The following PDE7A variants were observed in gnomAD, a reference collection of about 807,000 sequenced individuals.
PDE7A encodes phosphodiesterase 7A.
PDE7A carries 39 observed loss-of-function variants against 64.3 expected under a neutral mutation model. The observed-to-expected ratio is 0.61, with a 90% CI of 0.47 to 0.79. The LOEUF is 0.79. PDE7A is among the 30% of genes least tolerant of loss of function. The probability of loss-of-function intolerance (pLI) is 0.00; values close to 1 mark genes in which losing one functional copy is unlikely to be tolerated. For missense variants in PDE7A, 470 were observed against 582.8 expected (o/e 0.81, Z 1.99); for synonymous variants, 203 against 206.8 (o/e 0.98, Z 0.16).
Position 65,719,405 on chromosome 8 carries a change from C to T in PDE7A, c.1334G>A (p.Gly445Glu). The T allele has an allele frequency of 6.2e-7, 1 of 1,614,048 alleles. No homozygotes were observed. Among genetic ancestry groups the T allele is most frequent in the Non-Finnish European group, 8.5e-7 (1 of 1,179,924 alleles). Residue 445 changes from glycine to glutamate, a missense_variant, in exon 13 of 13, where the codon GGG becomes GAG. Physicochemically the swap from Gly to Glu is moderately conservative, Grantham distance 98. Coordinates refer to ENST00000401827, the MANE Select transcript of PDE7A (RefSeq NM_001242318.3). ...RLSQTMLGHV[G>E]LNKASWKGLQ... ...TCCCTTCCAGCTGGCTTTATTCAGC[C>T]CCACGTGTCCAAGCATTGTCTGGGA...
At chr8:65,798,041 AAC>A (rs951652791) in intron 1 of PDE7A, among the ~76,000 whole-genome samples, 2 of 150,290 alleles carry the variant, frequency 1.3e-5, no homozygotes, top group Admixed American at 6.6e-5. Flanking sequence ...TGTTCTTCAA[AAC>A]ACAGTGTTAA....
chr8:65,735,017 G>A (rs987503324), intron 6 of PDE7A, 123 bp from the exon 7 acceptor site: 19 of 646,346 alleles, frequency 2.9e-5, no homozygotes, highest in Non-Finnish European at 4.5e-5. Context: ...AAATCGTGCC[G>A]ATTCGGGCAG....
In PDE7A at chr8:65,716,313, A is replaced by G. The variant is rs932561559; in HGVS notation, c.*2977T>C. Among the ~76,000 whole-genome samples the G allele has an allele frequency of 6.6e-6, 1 of 152,196 alleles. No individual in the cohort carries two copies. The highest frequency in any genetic ancestry group is 2.4e-5 in the African/African-American group (1 of 41,452). On this transcript the variant is annotated 3_prime_UTR_variant, in exon 13 of 13. Coordinates refer to ENST00000401827, the MANE Select transcript of PDE7A (RefSeq NM_001242318.3). ...ATGATCTTTTCAGTTTCAAACTATA[A>G]GAGAAACAATGGATCAGAGCAGAAG...
Position 65,830,396 on chromosome 8 carries a change from A to T in PDE7A, c.138+10975T>A, listed in dbSNP as rs117835253. Among the ~76,000 whole-genome samples the T allele has an allele frequency of 2.3e-3, 347 of 152,194 alleles. 5 individuals are homozygous for T. Among genetic ancestry groups the T allele is most frequent in the East Asian group, 0.019 (99 of 5,192 alleles). ...ATTATTTTGTTGTTTTATGCATACA[A>T]CCTAGAAGAATGGGTGCTACTGCTA... On this transcript the variant is annotated intron_variant, in intron 1 of 12. Coordinates refer to ENST00000401827, the MANE Select transcript of PDE7A (RefSeq NM_001242318.3).
At chr8:65,751,798 G>T (rs888224872) in intron 3 of PDE7A, among the ~76,000 whole-genome samples, 2 of 152,132 alleles carry the variant, frequency 1.3e-5, no homozygotes, top group Admixed American at 6.5e-5. Flanking sequence ...AGCCCTTCCT[G>T]AGTTTTAAAA....
intron 1 of PDE7A, among the ~76,000 whole-genome samples, chr8:65,828,261 T>G (rs1167667215): frequency 1.3e-5 from 2 of 152,140 alleles, no homozygotes; most frequent in African/African-American, 4.8e-5. Context: ...TTTGGATGTT[T>G]TCACACATTG....
intron 6 of PDE7A, among the ~76,000 whole-genome samples, chr8:65,735,146 C>T (rs904912294): frequency 1.3e-5 from 2 of 152,148 alleles, no homozygotes; most frequent in Admixed American, 1.3e-4. Context: ...CTGCCATCAA[C>T]CTACTTGACA....
In PDE7A at chr8:65,724,771, T is replaced by C; in HGVS notation, c.1065+6A>G. ...AGAAATAGAATGTTTCCAAGCCCCA[T>C]TTTACCTGTAAAACCAAATGTCTGT... is the stretch of plus-strand genomic sequence containing the variant. On this transcript the variant is annotated splice_donor_region_variant and intron_variant, in intron 10 of 12. Coordinates refer to ENST00000401827, the MANE Select transcript of PDE7A (RefSeq NM_001242318.3). 1 of 1,600,096 alleles carries C rather than the reference T, an allele frequency of 6.2e-7. No individual in the cohort carries two copies. Among genetic ancestry groups the C allele is most frequent in the Non-Finnish European group, 8.5e-7 (1 of 1,173,418 alleles).
At chr8:65,724,948 A>G in intron 9 of PDE7A, 27 bp from the exon 10 acceptor site, 2 of 1,491,808 alleles carry the variant, frequency 1.3e-6, no homozygotes, top group East Asian at 2.3e-5. Context: ...ATAAAGAGAA[A>G]ATATAAGACT....
chr8:65,807,516 TTTTTA>T (rs1810139999), intron 1 of PDE7A, among the ~76,000 whole-genome samples: 1 of 152,286 alleles, frequency 6.6e-6, no homozygotes, highest in Admixed American at 6.5e-5. Flanking sequence ...CTGGATGTTT[TTTTTA>T]TTTTTCTTGC....
Position 65,783,923 on chromosome 8 carries a change from T to C in PDE7A, c.139-1080A>G, listed in dbSNP as rs540542479. 2.6e-5 allele frequency among the ~76,000 whole-genome samples: 4 copies of C among 152,196 alleles called. No individual in the cohort carries two copies. The South Asian group carries it at 8.3e-4, about 32-fold the overall frequency. On this transcript the variant is annotated intron_variant, in intron 1 of 12. Transcript: ENST00000401827. ...GCTTAGACATAAAATCTAAGCTCTG[T>C]GGAGGCAGGGTTTTCAGTCACTGCT...
At chr8:65,817,528 A>G (rs1810437778) in intron 1 of PDE7A, among the ~76,000 whole-genome samples, 1 of 152,156 alleles carries the variant, frequency 6.6e-6, no homozygotes, top group Non-Finnish European at 1.5e-5. Flanking sequence ...GCATTTAGTC[A>G]TCATGTCTCT....
At chr8:65,754,364 C>G (rs1044921203) in intron 3 of PDE7A, among the ~76,000 whole-genome samples, 1 of 151,998 alleles carries the variant, frequency 6.6e-6, no homozygotes, top group Non-Finnish European at 1.5e-5. Flanking sequence ...TCCTTCAATC[C>G]AATCAAGTTG....
intron 3 of PDE7A, among the ~76,000 whole-genome samples, chr8:65,750,838 C>G (rs1049295094): frequency 5.3e-5 from 8 of 152,042 alleles, no homozygotes; most frequent in Admixed American, 3.9e-4. Flanking sequence ...TTCACAGAGC[C>G]CTGAAGTTAA....
intron 1 of PDE7A, among the ~76,000 whole-genome samples, chr8:65,818,126 TA>T (rs1414478806): frequency 3.6e-5 from 5 of 139,568 alleles, no homozygotes; most frequent in Admixed American, 7.0e-5. Flanking sequence ...TGTTATACTT[TA>T]AATTTCCTTT....
At chr8:65,766,936 T>C (rs777313644) in intron 3 of PDE7A, among the ~76,000 whole-genome samples, 1 of 152,158 alleles carries the variant, frequency 6.6e-6, no homozygotes, top group Non-Finnish European at 1.5e-5. Flanking sequence ...TCAATGGGTC[T>C]TGGAAAAGTA....
chr8:65,751,990 A>G (rs1807992019), intron 3 of PDE7A, among the ~76,000 whole-genome samples: 1 of 152,242 alleles, frequency 6.6e-6, no homozygotes, highest in African/African-American at 2.4e-5. Context: ...ATGAATCATA[A>G]TCTATTTAGC....
At chr8:65,793,109 C>T (rs1386455122) in intron 1 of PDE7A, among the ~76,000 whole-genome samples, 1 of 152,088 alleles carries the variant, frequency 6.6e-6, no homozygotes, top group African/African-American at 2.4e-5. Context: ...TTCTTAAGAA[C>T]CAAACAGAGC....
chr8:65,735,019 T>C, intron 6 of PDE7A, 125 bp from the exon 7 acceptor site: 1 of 648,916 alleles, frequency 1.5e-6, no homozygotes, highest in Non-Finnish European at 2.8e-6. Flanking sequence ...ATCGTGCCGA[T>C]TCGGGCAGAT....
Sources: allele counts gnomAD v4.1 joint callset (sites outside exome capture counted in the v4.1 genomes callset), GRCh38; gene constraint gnomAD v4.1.1; transcripts MANE v1.5; gene names NCBI Gene and HGNC (gene_info 2026-07-23, HGNC 2026-07-21).